Variants in ABCA13 observed in about 807,000 individuals in gnomAD.
ABCA13 encodes ATP-binding cassette sub-family A member 13.
Under a neutral mutation model 478.7 loss-of-function variants are expected in ABCA13, and 476 were observed. That is an observed-to-expected ratio of 0.99 (90% CI 0.92 to 1.07). The LOEUF (loss-of-function observed/expected upper bound fraction) is 1.07. Ranked by LOEUF, ABCA13 falls within the 50% of genes least tolerant of loss-of-function variation. ABCA13 has a pLI of 0.00. For synonymous variants in ABCA13, 2,252 were observed against 2,158.9 expected (o/e 1.04, Z -1.20); for missense variants, 6,060 against 5,910.6 (o/e 1.03, Z -0.83).
chr7:48,624,766 G>A (rs1440275319), intron 59 of ABCA13, among the ~76,000 whole-genome samples: 3 of 152,038 alleles, frequency 2.0e-5, no homozygotes, highest in Non-Finnish European at 4.4e-5. Flanking sequence ...TGTTGGTCAG[G>A]CAGGTCTTGA....
chr7:48,394,901 G>A (rs998232764), intron 38 of ABCA13, among the ~76,000 whole-genome samples: 1 of 152,022 alleles, frequency 6.6e-6, no homozygotes, highest in Non-Finnish European at 1.5e-5. Flanking sequence ...TCTACTGGGG[G>A]GTGTGTGAAG....
At chr7:48,410,979 CTT>C (rs1491197762) in intron 40 of ABCA13, among the ~76,000 whole-genome samples, 630 of 34,438 alleles carry the variant, frequency 0.018, 6 homozygotes, top group African/African-American at 0.051. Context: ...ATTCTTTTCT[CTT>C]TCTTTCTTTC....
intron 1 of ABCA13, among the ~76,000 whole-genome samples, chr7:48,172,166 G>T (rs1794167972): frequency 6.6e-6 from 1 of 152,186 alleles, no homozygotes; most frequent in African/African-American, 2.4e-5. Flanking sequence ...TTGTGAAATA[G>T]AAATCAATTG....
chr7:48,390,157 A>G (rs931917932), intron 37 of ABCA13, among the ~76,000 whole-genome samples: 4 of 152,210 alleles, frequency 2.6e-5, no homozygotes, highest in Non-Finnish European at 4.4e-5. Context: ...TGCTTTTACT[A>G]AGACACATTT....
At position 48,245,489 on chromosome 7, in the gene ABCA13, TAATC is replaced by T; in HGVS notation, c.1391-19_1391-16del. The T allele has an allele frequency of 6.3e-7, 1 of 1,583,990 alleles. No homozygotes were observed. The highest frequency in any genetic ancestry group is 1.2e-5 in the South Asian group (1 of 85,938). On this transcript the variant is annotated intron_variant, in intron 11 of 61. Transcript: ENST00000435803. ...AAGCTTACTTACCTTAGGTGAATAA[TAATC>T]AATTTGTCTACTTTGCAGAAGTCCT...
chr7:48,608,241 G>T (rs186692525), intron 58 of ABCA13, among the ~76,000 whole-genome samples: 1 of 152,350 alleles, frequency 6.6e-6, no homozygotes, highest in Non-Finnish European at 1.5e-5. Context: ...CTAGTTGCTA[G>T]TGAGTGACTG....
At chr7:48,397,123 G>A (rs1006034377) in intron 38 of ABCA13, among the ~76,000 whole-genome samples, 3 of 152,188 alleles carry the variant, frequency 2.0e-5, no homozygotes, top group African/African-American at 7.2e-5. Context: ...CCTGCTGGGA[G>A]TTTGCTGATT....
At chr7:48,309,673 A>T (rs1801462009) in intron 23 of ABCA13, among the ~76,000 whole-genome samples, 2 of 152,110 alleles carry the variant, frequency 1.3e-5, no homozygotes, top group African/African-American at 4.8e-5. Flanking sequence ...CCTCGTGGAG[A>T]GCAGAGGGAC....
At chr7:48,286,030 T>C (rs1160441670) in intron 19 of ABCA13, among the ~76,000 whole-genome samples, 1 of 152,222 alleles carries the variant, frequency 6.6e-6, no homozygotes, top group Non-Finnish European at 1.5e-5. Flanking sequence ...TTTTAGTAAT[T>C]AATAAATTTT....
rs754416012 is a variant in ABCA13, at chr7:48,290,939, G to GAAAAAAAAA, written c.8955+2861_8955+2862insAAAAAAAAA. ...AAGGTTTAGAGAGCTTCACACTCAGGGAAAAAAAAAAAAAAAAAAAAAAAA... is the reference window on the plus strand; with the variant it reads ...AAGGTTTAGAGAGCTTCACACTCAGGAAAAAAAAAGAAAAAAAAAAAAAAAAAAAAAAAA... On this transcript the variant is annotated intron_variant, in intron 20 of 61. Coordinates refer to ENST00000435803, the MANE Select transcript of ABCA13 (RefSeq NM_152701.5). Among the ~76,000 whole-genome samples the GAAAAAAAAA allele has an allele frequency of 1.0e-4, 8 of 79,598 alleles. 1 individual carries two copies. Among genetic ancestry groups the GAAAAAAAAA allele is most frequent in the Middle Eastern group, 9.3e-3 (1 of 108 alleles). The allele number at this position is 79,598 out of a possible 152,430, so 52.2% of individuals were successfully genotyped here.
intron 19 of ABCA13, 141 bp from the exon 20 acceptor site, chr7:48,287,819 C>T (rs1187448751): frequency 3.0e-6 from 2 of 665,030 alleles, no homozygotes; most frequent in Non-Finnish European, 5.2e-6. Context: ...TTACCCTCAT[C>T]ATCTGAATGT....
At chr7:48,562,236 T>G (rs567021898) in intron 55 of ABCA13, among the ~76,000 whole-genome samples, 1 of 152,260 alleles carries the variant, frequency 6.6e-6, no homozygotes, top group East Asian at 1.9e-4. Context: ...CACTCTTCAC[T>G]TCTGTCTTGT....
chr7:48,418,060 C>T (rs112465535), intron 41 of ABCA13, among the ~76,000 whole-genome samples: 117 of 152,270 alleles, frequency 7.7e-4, no homozygotes, highest in African/African-American at 2.5e-3. Context: ...GCTGAATGTA[C>T]CATAGTCTAT....
At chr7:48,376,608 A>G (rs752589198) in intron 35 of ABCA13, 36 bp downstream of exon 35, 26 of 1,603,052 alleles carry the variant, frequency 1.6e-5, no homozygotes, top group Non-Finnish European at 2.0e-5. Context: ...AACACAATAA[A>G]TTTTAAAAAC....
At chr7:48,314,766 C>T (rs2885301) in intron 26 of ABCA13, among the ~76,000 whole-genome samples, 4,584 of 152,244 alleles carry the variant, frequency 0.03, 163 homozygotes, top group Admixed American at 0.096. Context: ...ATTATAATAA[C>T]GAAGAGAACT....
At chr7:48,401,778 A>C in intron 38 of ABCA13, among the ~76,000 whole-genome samples, 1 of 81,132 alleles carries the variant, frequency 1.2e-5, no homozygotes, top group African/African-American at 4.8e-5. Context: ...CACACACACT[A>C]TGGGGAGCAA....
At chr7:48,205,133 C>T (rs1784763988) in intron 3 of ABCA13, among the ~76,000 whole-genome samples, 1 of 152,182 alleles carries the variant, frequency 6.6e-6, no homozygotes, top group Admixed American at 6.5e-5. Context: ...ATTTCTCCTC[C>T]AATAAAACTT....
At position 48,528,342 on chromosome 7, in the gene ABCA13, T is replaced by C. The variant is rs776954792; in HGVS notation, c.14351T>C (p.Met4784Thr). 2 of 1,549,848 alleles carry C rather than the reference T, an allele frequency of 1.3e-6. No individual in the cohort carries two copies. The highest frequency in any genetic ancestry group is 1.7e-6 in the Non-Finnish European group (2 of 1,145,692). ...TSGHAIIRTP[M>T]GDAVDLSSAG... ...GGACATGCTATCATCAGGACTCCCATGGGGTAAGATACAGATTTCATCATT... is the reference window on the plus strand; with the variant it reads ...GGACATGCTATCATCAGGACTCCCACGGGGTAAGATACAGATTTCATCATT... Residue 4784 changes from methionine to threonine, a missense_variant, in exon 55 of 62, where the codon ATG becomes ACG. By Grantham distance (81) the Met-to-Thr change is moderately conservative (BLOSUM62 -1). Transcript: ENST00000435803.
At chr7:48,579,067 T>C (rs1053537961) in intron 55 of ABCA13, among the ~76,000 whole-genome samples, 2 of 152,222 alleles carry the variant, frequency 1.3e-5, no homozygotes, top group African/African-American at 4.8e-5. Context: ...CTAGGTGACC[T>C]TGGATGTGAC....
Sources: allele counts gnomAD v4.1 joint callset (sites outside exome capture counted in the v4.1 genomes callset), GRCh38; gene constraint gnomAD v4.1.1; transcripts MANE v1.5; gene names NCBI Gene and HGNC (gene_info 2026-07-23, HGNC 2026-07-21).